Variants in SOX5 observed in about 807,000 individuals in gnomAD.
SOX5 encodes transcription factor SOX-5.
In SOX5, 9 loss-of-function variants were observed where a neutral mutation model predicts 92.0. The observed-to-expected ratio is 0.10, with a 90% CI of 0.06 to 0.17. SOX5 has a LOEUF of 0.17. SOX5 is among the 10% of genes least tolerant of loss of function. The pLI, the probability that SOX5 is intolerant of heterozygous loss-of-function variation, is 1.00. For synonymous variants in SOX5, 344 were observed against 336.3 expected, an observed-to-expected ratio of 1.02 and a Z score of -0.25; for missense variants, 642 against 944.5, an observed-to-expected ratio of 0.68 and a Z score of 4.20.
intron 11 of SOX5, among the ~76,000 whole-genome samples, chr12:23,560,616 T>C (rs1946041736): frequency 6.6e-6 from 1 of 152,232 alleles, no homozygotes; most frequent in South Asian, 2.1e-4. Flanking sequence ...AACTGTAAGT[T>C]CTATAAAGGC....
intron 1 of SOX5, among the ~76,000 whole-genome samples, chr12:23,938,921 T>C (rs1258852438): frequency 6.6e-6 from 1 of 151,072 alleles, no homozygotes; most frequent in Admixed American, 6.6e-5. Flanking sequence ...ATCTGACTAG[T>C]ATGTTATTAA....
intron 3 of SOX5, among the ~76,000 whole-genome samples, chr12:23,794,007 C>A (rs952289265): frequency 6.6e-6 from 1 of 152,074 alleles, no homozygotes; most frequent in South Asian, 2.1e-4. Context: ...TACAGATAAA[C>A]CTACAAAGAT....
At chr12:24,513,716 A>G (rs994400010) in intron 1 of SOX5, among the ~76,000 whole-genome samples, 3 of 152,134 alleles carry the variant, frequency 2.0e-5, no homozygotes, top group African/African-American at 7.2e-5. Flanking sequence ...AAAATATCCC[A>G]CTCATATGCA....
intron 7 of SOX5, among the ~76,000 whole-genome samples, chr12:23,662,533 G>A (rs975479514): frequency 1.3e-5 from 2 of 152,120 alleles, no homozygotes; most frequent in African/African-American, 2.4e-5. Flanking sequence ...ACTCAAGAGA[G>A]GCTCAGCAAC....
chr12:23,533,946 C>A lies in SOX5; in HGVS notation c.*273G>T. The A allele has an allele frequency of 1.0e-5, 3 of 300,918 alleles. No individual in the cohort carries two copies. The highest frequency in any genetic ancestry group is 6.5e-5 in the East Asian group (1 of 15,390). The allele number at this position is 300,918 out of a possible 1,614,324, so 18.6% of individuals were successfully genotyped here. A position where few individuals can be genotyped will look rare whatever the true frequency, so the allele number is the denominator to read the frequency against. On this transcript the variant is annotated 3_prime_UTR_variant, in exon 15 of 15. Coordinates refer to ENST00000451604, the MANE Select transcript of SOX5 (RefSeq NM_006940.6). ...AAAGTTGACGGGTAAGACTTCAGTGCTTGGATGTAGCAGCTGAATTACTGG... is the reference window on the plus strand; with the variant it reads ...AAAGTTGACGGGTAAGACTTCAGTGATTGGATGTAGCAGCTGAATTACTGG...
chr12:24,022,348 T>TGAACTTAGTCTA (rs1354858844), intron 4 of SOX5, among the ~76,000 whole-genome samples: 11 of 152,092 alleles, frequency 7.2e-5, no homozygotes, highest in Non-Finnish European at 1.5e-5. Flanking sequence ...GAAAGGGACA[T>TGAACTTAGTCTA]GAGTCTAGAA....
At chr12:23,740,749 T>C (rs2093765427) in intron 5 of SOX5, 118 bp downstream of exon 5, 1 of 883,886 alleles carries the variant, frequency 1.1e-6, no homozygotes, top group African/African-American at 1.7e-5. Context: ...TTTGAATTTA[T>C]TTAACTGGGG....
chr12:23,993,775 G>A (rs1044919998), intron 4 of SOX5, among the ~76,000 whole-genome samples: 8 of 152,100 alleles, frequency 5.3e-5, no homozygotes, highest in Admixed American at 1.3e-4. Flanking sequence ...TGTAATCCCA[G>A]CATTTTGGGA....
intron 1 of SOX5, among the ~76,000 whole-genome samples, chr12:23,933,456 T>C (rs1941884467): frequency 6.6e-6 from 1 of 151,608 alleles, no homozygotes; most frequent in Non-Finnish European, 1.5e-5. Context: ...AATGAATAAA[T>C]CAAAATGGAA....
chr12:24,502,237 C>T (rs113393983), intron 1 of SOX5, among the ~76,000 whole-genome samples: 1 of 152,062 alleles, frequency 6.6e-6, no homozygotes, highest in Non-Finnish European at 1.5e-5. Flanking sequence ...GAAGAAGTGG[C>T]CAATTCCAAC....
chr12:24,269,156 A>G (rs1943380905), intron 3 of SOX5, among the ~76,000 whole-genome samples: 1 of 152,314 alleles, frequency 6.6e-6, no homozygotes, highest in East Asian at 1.9e-4. Context: ...ATTTTACTTT[A>G]TAGATTAGGG....
At chr12:23,856,241 G>C (rs1044398873) in intron 2 of SOX5, among the ~76,000 whole-genome samples, 1 of 152,086 alleles carries the variant, frequency 6.6e-6, no homozygotes, top group Admixed American at 6.6e-5. Flanking sequence ...TCTCTGCAAA[G>C]ATTATATTCA....
chr12:24,553,379 G>A (rs1268939543), intron 1 of SOX5, among the ~76,000 whole-genome samples: 1 of 152,122 alleles, frequency 6.6e-6, no homozygotes, highest in Non-Finnish European at 1.5e-5. Context: ...TCCATGTATG[G>A]CATCTAGCAC....
chr12:23,856,944 A>G (rs1218360950), intron 2 of SOX5, among the ~76,000 whole-genome samples: 1 of 152,120 alleles, frequency 6.6e-6, no homozygotes, highest in Non-Finnish European at 1.5e-5. Context: ...ATTCACACAC[A>G]CACTATGCCT....
intron 1 of SOX5, among the ~76,000 whole-genome samples, chr12:24,445,925 G>T (rs918821011): frequency 3.3e-5 from 5 of 152,106 alleles, no homozygotes; most frequent in African/African-American, 1.2e-4. Flanking sequence ...TAATCTGAAG[G>T]ATAATTGTAC....
chr12:24,525,810 G>A (rs1002436003), intron 1 of SOX5, among the ~76,000 whole-genome samples: 12 of 151,904 alleles, frequency 7.9e-5, no homozygotes, highest in African/African-American at 2.9e-4. Flanking sequence ...AGCCGAGATC[G>A]CGCCACTGCA....
intron 1 of SOX5, among the ~76,000 whole-genome samples, chr12:24,466,295 G>A (rs780734486): frequency 4.2e-4 from 63 of 151,550 alleles, no homozygotes; most frequent in Non-Finnish European, 7.4e-4. Context: ...CAGGCTGCTG[G>A]AGTGCAGTGG....
At chr12:23,747,971 A>AAC (rs2094050058) in intron 4 of SOX5, among the ~76,000 whole-genome samples, 2 of 151,642 alleles carry the variant, frequency 1.3e-5, no homozygotes, top group Non-Finnish European at 2.9e-5. Flanking sequence ...TAAAAAAAAA[A>AAC]AAAAACGAAT....
intron 1 of SOX5, among the ~76,000 whole-genome samples, chr12:24,372,811 T>C (rs1956869784): frequency 6.6e-6 from 1 of 152,166 alleles, no homozygotes; most frequent in South Asian, 2.1e-4. Flanking sequence ...GACTTTTTAA[T>C]TGCTGCTTCT....
Sources: allele counts gnomAD v4.1 joint callset (sites outside exome capture counted in the v4.1 genomes callset), GRCh38; gene constraint gnomAD v4.1.1; transcripts MANE v1.5; gene names NCBI Gene and HGNC (gene_info 2026-07-23, HGNC 2026-07-21).